The following PDE10A variants were observed in gnomAD, a reference collection of about 807,000 sequenced individuals.
PDE10A encodes the protein cAMP and cAMP-inhibited cGMP 3',5'-cyclic phosphodiesterase 10A.
PDE10A carries 39 observed loss-of-function variants against 97.7 expected under a neutral mutation model. The ratio of observed to expected loss-of-function variants is 0.40; its 90% CI spans 0.31 to 0.52. The LOEUF (loss-of-function observed/expected upper bound fraction) is 0.52. PDE10A is among the 20% of genes least tolerant of loss of function. The pLI is 0.56. For synonymous variants in PDE10A, 371 were observed against 376.8 expected (o/e 0.98, Z 0.18); for missense variants, 731 against 1,047.8 (o/e 0.70, Z 4.17).
At chr6:165,386,642 G>A (rs1435961222) in intron 17 of PDE10A, among the ~76,000 whole-genome samples, 2 of 152,104 alleles carry the variant, frequency 1.3e-5, no homozygotes, top group African/African-American at 4.8e-5. Context: ...AAAAAAGCAT[G>A]TTTTACATAT....
intron 1 of PDE10A, among the ~76,000 whole-genome samples, chr6:165,811,027 C>A (rs1329573451): frequency 6.6e-6 from 1 of 152,166 alleles, no homozygotes. Context: ...AGTTCGAGAC[C>A]AGCCTGGCCA....
At chr6:165,407,169 C>T (rs1562432719) in intron 13 of PDE10A, among the ~76,000 whole-genome samples, 1 of 152,112 alleles carries the variant, frequency 6.6e-6, no homozygotes, top group Non-Finnish European at 1.5e-5. Flanking sequence ...AACCCTAATG[C>T]ACCCTAATCC....
chr6:165,713,657 T>C (rs570376180), intron 1 of PDE10A, among the ~76,000 whole-genome samples: 13 of 152,298 alleles, frequency 8.5e-5, no homozygotes, highest in African/African-American at 2.4e-4. Context: ...ACACCGATGC[T>C]TTCTAAAAAA....
intron 1 of PDE10A, among the ~76,000 whole-genome samples, chr6:165,680,600 C>A (rs1173168970): frequency 6.6e-6 from 1 of 152,180 alleles, no homozygotes; most frequent in Non-Finnish European, 1.5e-5. Context: ...AAAAATGCAT[C>A]CTTTTAAAAA....
intron 1 of PDE10A, among the ~76,000 whole-genome samples, chr6:165,692,868 G>A (rs767737908): frequency 2.0e-5 from 3 of 152,226 alleles, no homozygotes; most frequent in East Asian, 1.9e-4. Flanking sequence ...CAGGAGAAGC[G>A]GAATACTGCA....
intron 1 of PDE10A, among the ~76,000 whole-genome samples, chr6:165,749,263 C>CCACCATCACCATCAACAA (rs1562717270): frequency 2.1e-5 from 2 of 93,724 alleles, no homozygotes; most frequent in African/African-American, 7.5e-5. Flanking sequence ...ATCACCATTA[C>CCACCATCACCATCAACAA]CACCATCATC....
intron 1 of PDE10A, among the ~76,000 whole-genome samples, chr6:165,568,323 T>G (rs1004130353): frequency 6.6e-6 from 1 of 152,106 alleles, no homozygotes; most frequent in Non-Finnish European, 1.5e-5. Flanking sequence ...GAACTAAGTA[T>G]AGTATACCCA....
chr6:165,725,016 T>A (rs1360221643), intron 1 of PDE10A, among the ~76,000 whole-genome samples: 1 of 152,208 alleles, frequency 6.6e-6, no homozygotes, highest in Non-Finnish European at 1.5e-5. Flanking sequence ...CAGGCATTTC[T>A]GTTTTCAGAA....
intron 18 of PDE10A, among the ~76,000 whole-genome samples, chr6:165,364,987 T>C (rs770951492): frequency 2.0e-5 from 3 of 152,080 alleles, no homozygotes; most frequent in Non-Finnish European, 4.4e-5. Flanking sequence ...AATCTGATTA[T>C]TTCATTACTA....
At chr6:165,591,230 G>C (rs1786246737) in intron 1 of PDE10A, among the ~76,000 whole-genome samples, 1 of 152,124 alleles carries the variant, frequency 6.6e-6, no homozygotes, top group Non-Finnish European at 1.5e-5. Flanking sequence ...AAGTCCTAAT[G>C]GCTGGCACAA....
chr6:165,767,741 G>A (rs557911868), intron 1 of PDE10A, among the ~76,000 whole-genome samples: 1 of 152,104 alleles, frequency 6.6e-6, no homozygotes, highest in Non-Finnish European at 1.5e-5. Flanking sequence ...ATGCTGCTAC[G>A]AACATTCAAA....
chr6:165,447,530 C>T (rs1198683224), intron 5 of PDE10A, among the ~76,000 whole-genome samples: 1 of 152,176 alleles, frequency 6.6e-6, no homozygotes, highest in African/African-American at 2.4e-5. Context: ...CAACAGACTG[C>T]ATTCCACACG....
chr6:165,575,085 C>A (rs1016343098), intron 1 of PDE10A, among the ~76,000 whole-genome samples: 1 of 152,138 alleles, frequency 6.6e-6, no homozygotes, highest in Non-Finnish European at 1.5e-5. Context: ...TAGTTTCTCT[C>A]CCATTTGAAT....
chr6:165,961,734 G>A (rs760460817), intron 1 of PDE10A, among the ~76,000 whole-genome samples: 2 of 152,154 alleles, frequency 1.3e-5, no homozygotes, highest in East Asian at 3.8e-4. Context: ...GCTTTTCAGA[G>A]CCCCAGAACA....
chr6:165,804,798 G>T (rs1226231125), intron 1 of PDE10A, among the ~76,000 whole-genome samples: 2 of 151,676 alleles, frequency 1.3e-5, no homozygotes, highest in South Asian at 2.1e-4. Flanking sequence ...CCCCGGGGCC[G>T]GGCCGCGGGC....
chr6:165,585,486 A>T (rs1785856087), intron 1 of PDE10A, among the ~76,000 whole-genome samples: 1 of 152,168 alleles, frequency 6.6e-6, no homozygotes, highest in Non-Finnish European at 1.5e-5. Context: ...ACGTATCCTT[A>T]AAAGAGGGAG....
intron 1 of PDE10A, among the ~76,000 whole-genome samples, chr6:165,574,902 G>T (rs1009639481): frequency 3.9e-5 from 6 of 152,066 alleles, no homozygotes; most frequent in Non-Finnish European, 7.4e-5. Context: ...CCTCTATGTG[G>T]GTTAGAGGTC....
intron 1 of PDE10A, among the ~76,000 whole-genome samples, chr6:165,820,610 G>T (rs1201234856): frequency 6.6e-6 from 1 of 152,188 alleles, no homozygotes; most frequent in Non-Finnish European, 1.5e-5. Flanking sequence ...CCAGCGTCTG[G>T]TCCTCCTGCA....
chr6:165,722,789 A>G lies in PDE10A; in HGVS notation c.-614-179221T>C, dbSNP rs78626479. Among the ~76,000 whole-genome samples the G allele has an allele frequency of 4.9e-3, 753 of 152,246 alleles. 6 individuals carry two copies. Among genetic ancestry groups the G allele is most frequent in the African/African-American group, 0.017 (688 of 41,528 alleles). On this transcript the variant is annotated intron_variant, in intron 1 of 19. Coordinates refer to the PDE10A transcript ENST00000366882. ...TTCCTGCTACTGAGCCTGCGAAAAC[A>G]TCGGAGTGAACATTTTACCTTTTCA... is the stretch of plus-strand genomic sequence containing the variant.
Sources: gnomAD v4.1 joint callset for allele counts (sites outside exome capture counted in the v4.1 genomes callset) on GRCh38, gnomAD v4.1.1 for gene constraint, MANE v1.5 for transcripts, NCBI Gene and HGNC (gene_info 2026-07-23, HGNC 2026-07-21) for gene names.